FGFR1: variants seen among roughly 807,000 people sequenced by gnomAD.
FGFR1 encodes FGFR1/PLAG1 fusion.
FGFR1 carries 18 observed loss-of-function variants against 93.7 expected under a neutral mutation model. The observed-to-expected ratio is 0.19, with a 90% CI of 0.13 to 0.28. The LOEUF is 0.28. Among genes scored for constraint, FGFR1 ranks in the 10% least tolerant of loss-of-function variants. FGFR1 has a pLI of 1.00. For synonymous variants in FGFR1, 448 were observed against 429.3 expected (o/e 1.04, Z -0.54); for missense variants, 731 against 1,080.4 (o/e 0.68, Z 4.53).
intron 2 of FGFR1, among the ~76,000 whole-genome samples, chr8:38,437,215 ATTC>A (rs1825760557): frequency 1.3e-5 from 2 of 152,280 alleles, no homozygotes; most frequent in South Asian, 4.1e-4. Flanking sequence ...AAACCTTGCT[ATTC>A]TTATGACAAG....
At chr8:38,418,202 A>G (rs1459826472) in intron 10 of FGFR1, 26 bp downstream of exon 10, 2 of 1,614,216 alleles carry the variant, frequency 1.2e-6, no homozygotes, top group South Asian at 1.1e-5. Flanking sequence ...ATGCCTTCAA[A>G]AAGTTGGGAG....
intron 2 of FGFR1, chr8:38,435,288 G>C (rs1377797319): frequency 6.6e-6 from 1 of 152,180 alleles, no homozygotes; most frequent in Non-Finnish European, 1.5e-5. Context: ...AAAACCCAGA[G>C]ACTACTCAGT....
intron 2 of FGFR1, among the ~76,000 whole-genome samples, chr8:38,453,385 G>C (rs1831728144): frequency 6.6e-6 from 1 of 152,254 alleles, no homozygotes; most frequent in South Asian, 2.1e-4. Context: ...GAGCTCTGCA[G>C]ACATGCTTAT....
intron 2 of FGFR1, among the ~76,000 whole-genome samples, chr8:38,432,910 C>CCCG (rs1823761685): frequency 3.9e-5 from 5 of 127,222 alleles, no homozygotes; most frequent in African/African-American, 1.4e-4. Context: ...CCCACCGCGC[C>CCCG]CCCCCCCCTC....
chr8:38,431,897 T>C (rs1242295579), intron 2 of FGFR1, among the ~76,000 whole-genome samples: 1 of 152,198 alleles, frequency 6.6e-6, no homozygotes, highest in Non-Finnish European at 1.5e-5. Flanking sequence ...GTCTGTGGTT[T>C]TGCCAAACGA....
At chr8:38,465,090 A>G (rs1835208585) in intron 1 of FGFR1, among the ~76,000 whole-genome samples, 1 of 152,210 alleles carries the variant, frequency 6.6e-6, no homozygotes, top group Admixed American at 6.5e-5. Flanking sequence ...GAATAAAGCT[A>G]GCCCAGCCTG....
At chr8:38,434,432 G>GCTTAACA in intron 2 of FGFR1, 1 of 383,158 alleles carries the variant, frequency 2.6e-6, no homozygotes, top group South Asian at 3.0e-5. Context: ...GCTCAACACT[G>GCTTAACA]ATGGAAGTCA....
intron 2 of FGFR1, among the ~76,000 whole-genome samples, chr8:38,445,553 T>C (rs1433332296): frequency 6.6e-6 from 1 of 152,152 alleles, no homozygotes; most frequent in African/African-American, 2.4e-5. Context: ...ATTTCATTTT[T>C]TGGGGAACGG....
chr8:38,456,424 T>C (rs1832866525), intron 2 of FGFR1, among the ~76,000 whole-genome samples: 1 of 151,950 alleles, frequency 6.6e-6, no homozygotes, highest in Non-Finnish European at 1.5e-5. Flanking sequence ...ACGCCATAGG[T>C]CTCCATGCCC....
intron 1 of FGFR1, among the ~76,000 whole-genome samples, chr8:38,459,640 C>A (rs1473528902): frequency 6.6e-6 from 1 of 151,980 alleles, no homozygotes. Context: ...TTTTATTATT[C>A]CTTTTATGCA....
intron 1 of FGFR1, 93 bp downstream of exon 1, chr8:38,467,888 C>T (rs969760610): frequency 1.8e-5 from 4 of 225,192 alleles, no homozygotes; most frequent in Admixed American, 5.7e-5. Context: ...GGCTGGGCTG[C>T]GGCGGGCAAA....
At chr8:38,461,719 C>G (rs1444140818) in intron 1 of FGFR1, among the ~76,000 whole-genome samples, 4 of 151,838 alleles carry the variant, frequency 2.6e-5, no homozygotes, top group Admixed American at 2.6e-4. Flanking sequence ...GGTTTCCCAC[C>G]TAGAGGAAGC....
At chr8:38,440,499 A>G in intron 2 of FGFR1, 1 of 681,162 alleles carries the variant, frequency 1.5e-6, no homozygotes, top group Non-Finnish European at 2.3e-6. Context: ...CGGGAGCACC[A>G]AATCAATTAG....
In FGFR1 at chr8:38,417,393, A is replaced by C. The variant is rs1817054543; in HGVS notation, c.1576T>G (p.Ser526Ala). Residue 526 changes from serine to alanine, a missense_variant, in exon 12 of 18, where the codon TCA becomes GCA. Physicochemically the swap from Ser to Ala is moderately conservative, Grantham distance 99. Transcript: ENST00000447712. ...ATCTCCATTTCTGAGATCAGGTCTG[A>C]CAAGTCTTTCTCTGTTGCGTCCGCT... ...LKSDATEKDLSDLISEMEMMK... is the reference protein window; with the variant it reads ...LKSDATEKDLADLISEMEMMK... 2.5e-6 allele frequency: 4 copies of C among 1,614,030 alleles called. 1 individual carries two copies. The highest frequency in any genetic ancestry group is 3.4e-6 in the Non-Finnish European group (4 of 1,180,016).
chr8:38,450,664 G>C (rs769643200), intron 2 of FGFR1, among the ~76,000 whole-genome samples: 1 of 152,180 alleles, frequency 6.6e-6, no homozygotes, highest in African/African-American at 2.4e-5. Context: ...ACAGGAACCA[G>C]GTGATGGAAA....
At chr8:38,439,712 C>A (rs1315544621) in intron 2 of FGFR1, among the ~76,000 whole-genome samples, 1 of 152,154 alleles carries the variant, frequency 6.6e-6, no homozygotes, top group Non-Finnish European at 1.5e-5. Context: ...CCCCTAAATG[C>A]CTTTCTCCTT....
intron 2 of FGFR1, among the ~76,000 whole-genome samples, chr8:38,445,788 G>C (rs960535693): frequency 6.6e-6 from 1 of 151,136 alleles, no homozygotes; most frequent in Non-Finnish European, 1.5e-5. Context: ...TGATCTGCCC[G>C]CCTCAACCTC....
At chr8:38,465,283 G>A in intron 1 of FGFR1, 1 of 232,274 alleles carries the variant, frequency 4.3e-6, no homozygotes, top group African/African-American at 2.2e-5. Flanking sequence ...GCCCACTCTG[G>A]CCTGAATTCC....
At chr8:38,463,441 A>G in intron 1 of FGFR1, 1 of 205,004 alleles carries the variant, frequency 4.9e-6, no homozygotes, top group East Asian at 7.4e-5. Flanking sequence ...CACTTAGGTC[A>G]TATTATATGA....
Sources: gnomAD v4.1 joint callset for allele counts (sites outside exome capture counted in the v4.1 genomes callset) on GRCh38, gnomAD v4.1.1 for gene constraint, MANE v1.5 for transcripts, NCBI Gene and HGNC (gene_info 2026-07-23, HGNC 2026-07-21) for gene names.